MAPK8IP3: variants seen among roughly 807,000 people sequenced by gnomAD.
MAPK8IP3 encodes C-Jun-amino-terminal kinase-interacting protein 3.
Under a neutral mutation model 157.8 loss-of-function variants are expected in MAPK8IP3, and 49 were observed. That is an observed-to-expected ratio of 0.31 (90% CI 0.25 to 0.39). The LOEUF (loss-of-function observed/expected upper bound fraction) is 0.39, where lower values mean the gene tolerates loss of function less well. Ranked by LOEUF, MAPK8IP3 falls within the 10% of genes least tolerant of loss-of-function variation. MAPK8IP3 has a pLI of 1.00. For synonymous variants in MAPK8IP3, 897 were observed against 777.7 expected (o/e 1.15, Z -2.55); for missense variants, 1,478 against 1,889.4 (o/e 0.78, Z 4.04).
intron 1 of MAPK8IP3, among the ~76,000 whole-genome samples, chr16:1,717,217 C>T (rs1203453538): frequency 3.0e-5 from 4 of 132,832 alleles, no homozygotes; most frequent in South Asian, 2.3e-4. Flanking sequence ...GCCTGGGTGA[C>T]GGAGTAAAAC....
chr16:1,730,487 T>C (rs909586409), intron 4 of MAPK8IP3, among the ~76,000 whole-genome samples: 25 of 150,042 alleles, frequency 1.7e-4, no homozygotes, highest in Non-Finnish European at 3.0e-4. Flanking sequence ...CGCCTGTCAT[T>C]CCAGCACTTT....
rs1310935255 is a variant in MAPK8IP3, at chr16:1,768,845, C to G, written c.*21C>G. On this transcript the variant is annotated 3_prime_UTR_variant, in exon 32 of 32. Transcript: ENST00000610761. ...AGTGAAGCTGCTGCCCTGCCTGGCC[C>G]GACCTGTACATAGGACCCCCGACCA... is the stretch of plus-strand genomic sequence containing the variant. The G allele has an allele frequency of 6.2e-7, 1 of 1,610,344 alleles. No individual in the cohort carries two copies. Among genetic ancestry groups the G allele is most frequent in the Middle Eastern group, 1.7e-4 (1 of 5,920 alleles).
chr16:1,757,575 C>T (rs1410660121), intron 8 of MAPK8IP3, among the ~76,000 whole-genome samples: 1 of 152,210 alleles, frequency 6.6e-6, no homozygotes, highest in Non-Finnish European at 1.5e-5. Flanking sequence ...CCGCCCCACG[C>T]TCCCCAGCCC....
chr16:1,722,214 GTGTT>G (rs2038575022), intron 1 of MAPK8IP3, among the ~76,000 whole-genome samples: 2 of 152,322 alleles, frequency 1.3e-5, no homozygotes, highest in Middle Eastern at 3.4e-3. Flanking sequence ...CAGCTGTGGA[GTGTT>G]TGTTTTTCTT....
chr16:1,762,882 C>G lies in MAPK8IP3; in HGVS notation c.1774C>G (p.Arg592Gly), dbSNP rs767591373. The G allele has an allele frequency of 6.2e-7, 1 of 1,613,182 alleles. No individual in the cohort carries two copies. Among genetic ancestry groups the G allele is most frequent in the South Asian group, 1.1e-5 (1 of 91,090 alleles). ...TTCCTCCAGCCCCCCTCCGGCCAAG[C>G]GCCCCTATCCCTCGGTGAACATCCA... Reference protein sequence around the residue: ...SSSSSPPPAKRPYPSVNIHYK... With the variant: ...SSSSSPPPAKGPYPSVNIHYK... The change falls in exon 16 of 32, where the codon CGC becomes GGC. Residue 592 changes from arginine (R) to glycine (G), a missense_variant. By Grantham distance (125) the Arg-to-Gly change is moderately radical (BLOSUM62 -2). This residue lies in a region of MAPK8IP3 where 669 missense variants were observed against 759.8 expected (regional missense o/e 0.88). Transcript: ENST00000610761.
rs1294201959 is a variant in MAPK8IP3 at position 1,748,633 on chromosome 16, G to A, written c.1129G>A (p.Gly377Ser). The A allele has an allele frequency of 2.5e-6, 4 of 1,614,108 alleles. No individual in the cohort carries two copies. The highest frequency in any genetic ancestry group is 3.4e-6 in the Non-Finnish European group (4 of 1,180,036). Reference protein sequence around the residue: ...PTQGIVNKAFGINTDSLYHEL... With the variant: ...PTQGIVNKAFSINTDSLYHEL... ...CCAGGGCATCGTGAACAAAGCTTTCGGCATCAACACCGACTCCCTGTACCA... is the reference window on the plus strand; with the variant it reads ...CCAGGGCATCGTGAACAAAGCTTTCAGCATCAACACCGACTCCCTGTACCA... Residue 377 changes from glycine (G) to serine (S), a missense_variant, in exon 8 of 32, where the codon GGC becomes AGC. Physicochemically the swap from Gly to Ser is moderately conservative, Grantham distance 56. Around this residue, in one of 11 missense-constraint regions of MAPK8IP3, gnomAD observed 315 missense variants for 394.4 expected, o/e 0.80. Transcript: ENST00000610761.
Position 1,706,293 on chromosome 16 carries a change from G to A in MAPK8IP3, c.-47G>A, listed in dbSNP as rs1220561930. 1 of 1,483,982 alleles carries A rather than the reference G, an allele frequency of 6.7e-7. No individual in the cohort carries two copies. Among genetic ancestry groups the A allele is most frequent in the East Asian group, 2.5e-5 (1 of 39,434 alleles). 91.9% of individuals were successfully genotyped at this position (1,483,982 alleles called of 1,614,324 possible). ...ACCTGAGGCAGCTGGGGAGGGCCGG[G>A]CGCGCCGGCCGGATAGCGAGCCGCG... On this transcript the variant is annotated 5_prime_UTR_variant, in exon 1 of 32. Transcript: ENST00000610761. This position sits in a 1 kb window ranked among gnomAD's most constrained non-coding sequence, Gnocchi z 5.1.
In MAPK8IP3 at chr16:1,741,764, C is replaced by T. The variant is rs1205995559; in HGVS notation, c.603-1568C>T. On this transcript the variant is annotated intron_variant, in intron 4 of 31. Transcript: ENST00000610761. This position sits in a 1 kb window ranked among gnomAD's most constrained non-coding sequence, Gnocchi z 6.9. ...GGCTGTTGTCACAACAGCTTGAGTG[C>T]CATGGACCAGCAGCCAAGATGGCAC... 6.6e-6 allele frequency among the ~76,000 whole-genome samples: 1 copy of T among 152,096 alleles called. No homozygotes were observed. The highest frequency in any genetic ancestry group is 1.5e-5 in the Non-Finnish European group (1 of 67,986).
In MAPK8IP3 at chr16:1,759,010, C is replaced by A. The variant is rs765138754; in HGVS notation, c.1246+15C>A. The A allele has an allele frequency of 7.4e-6, 12 of 1,614,068 alleles. No individual in the cohort carries two copies. In the Admixed American group the frequency reaches 1.0e-4, roughly 13 times the overall value. ...TGATTTCTTTGGTAAGGCTGAGGCC[C>A]CGTTCCAGCGTGCGTCGCTCCTCCA... On this transcript the variant is annotated intron_variant, in intron 10 of 31. Coordinates refer to ENST00000610761, the MANE Select transcript of MAPK8IP3 (RefSeq NM_001318852.2).
chr16:1,732,449 C>G (rs1421246672), intron 4 of MAPK8IP3, among the ~76,000 whole-genome samples: 2 of 151,868 alleles, frequency 1.3e-5, no homozygotes, highest in Non-Finnish European at 2.9e-5. Flanking sequence ...AGCTGTCAGA[C>G]TCTGCTTCCG....
intron 1 of MAPK8IP3, among the ~76,000 whole-genome samples, chr16:1,718,877 AG>A (rs2038332037): frequency 6.6e-6 from 1 of 152,012 alleles, no homozygotes; most frequent in Admixed American, 6.6e-5. Flanking sequence ...TCTCACCCCA[AG>A]TCTAGCCCTA....
chr16:1,761,400 CACCATTCACCATTCA>C (rs2041931270), intron 13 of MAPK8IP3, 95 bp downstream of exon 13: 2 of 1,018,792 alleles, frequency 2.0e-6, no homozygotes, highest in African/African-American at 3.2e-5. Flanking sequence ...ACAGGGTGAC[CACCATTCACCATTCA>C]CAGGCAGAGC....
chr16:1,734,417 CGT>C (rs2039526600), intron 4 of MAPK8IP3, among the ~76,000 whole-genome samples: 1 of 152,156 alleles, frequency 6.6e-6, no homozygotes, highest in Non-Finnish European at 1.5e-5. Flanking sequence ...CCTCCGGGCT[CGT>C]GTGTCCCCTG....
At chr16:1,763,083 G>A in intron 16 of MAPK8IP3, 77 bp downstream of exon 16, 3 of 1,574,048 alleles carry the variant, frequency 1.9e-6, no homozygotes, top group Non-Finnish European at 2.6e-6. Context: ...TCCCCTCCAG[G>A]CCCTGAAGCG....
chr16:1,758,375 G>A (rs1272325240), intron 9 of MAPK8IP3, among the ~76,000 whole-genome samples: 1 of 152,206 alleles, frequency 6.6e-6, no homozygotes, highest in Non-Finnish European at 1.5e-5. Flanking sequence ...AACCCCCCCA[G>A]CCTGAGGAGT....
Position 1,766,817 on chromosome 16 carries a change from G to T in MAPK8IP3, c.3020+14G>T, listed in dbSNP as rs750522232. The T allele has an allele frequency of 6.2e-7, 1 of 1,612,572 alleles. No homozygotes were observed. Among genetic ancestry groups the T allele is most frequent in the Non-Finnish European group, 8.5e-7 (1 of 1,179,908 alleles). On this transcript the variant is annotated intron_variant, in intron 24 of 31. Coordinates refer to ENST00000610761, the MANE Select transcript of MAPK8IP3 (RefSeq NM_001318852.2). The stretch of plus-strand genomic sequence containing the variant: ...GCTGAGCCTGGTGTGGGTGACCCCA[G>T]ACCGAGGGCCGGGCGGCGCGGGGGA...
chr16:1,745,994 C>CT (rs2040937743), intron 5 of MAPK8IP3: 2 of 152,306 alleles, frequency 1.3e-5, no homozygotes, highest in South Asian at 2.1e-4. Flanking sequence ...GTGGAGAGGG[C>CT]TGGATACCCC....
intron 16 of MAPK8IP3, 87 bp downstream of exon 16, chr16:1,763,093 G>C: frequency 1.3e-6 from 2 of 1,535,536 alleles, no homozygotes; most frequent in East Asian, 2.3e-5. Context: ...GCCCTGAAGC[G>C]GGACTTTGAG....
Position 1,768,268 on chromosome 16 carries a change from A to C in MAPK8IP3, c.3632A>C (p.Asp1211Ala). The C allele has an allele frequency of 6.2e-7, 1 of 1,611,970 alleles. No individual in the cohort carries two copies. Among genetic ancestry groups the C allele is most frequent in the African/African-American group, 1.3e-5 (1 of 75,028 alleles). The change falls in exon 30 of 32, where the codon GAC becomes GCC. Residue 1211 changes from aspartate (D) to alanine (A), a missense_variant. Coordinates refer to ENST00000610761, the MANE Select transcript of MAPK8IP3 (RefSeq NM_001318852.2). ...PGGIIHVYGD[D>A]SSDRAASSFI... Reference sequence around the variant, plus strand: ...GGCATCATCCACGTGTATGGCGATGACAGCAGTGACAGGGCGGCCAGCAGC... The same window carrying C: ...GGCATCATCCACGTGTATGGCGATGCCAGCAGTGACAGGGCGGCCAGCAGC...
Sources: gnomAD v4.1 joint callset for allele counts (sites outside exome capture counted in the v4.1 genomes callset) on GRCh38, gnomAD v4.1.1 for gene constraint, gnomAD v4.1.1 regional missense constraint, Gnocchi (gnomAD v3.1) non-coding constraint, MANE v1.5 for transcripts, NCBI Gene and HGNC (gene_info 2026-07-23, HGNC 2026-07-21) for gene names.